Variants in DLC1 observed in about 807,000 individuals in gnomAD.
DLC1 encodes the protein DLC1 Rho GTPase activating protein.
DLC1 carries 54 observed loss-of-function variants against 140.3 expected under a neutral mutation model. The observed-to-expected ratio is 0.38, with a 90% CI of 0.31 to 0.48. DLC1 has a LOEUF of 0.48. Among genes scored for constraint, DLC1 ranks in the 20% least tolerant of loss-of-function variants. The pLI, the probability that DLC1 is intolerant of heterozygous loss-of-function variation, is 0.96. For synonymous variants in DLC1, 986 were observed against 728.1 expected (o/e 1.35, Z -5.70); for missense variants, 2,536 against 1,907.0 (o/e 1.33, Z -6.14).
Position 13,255,462 on chromosome 8 carries a change from C to T in DLC1, c.1348+49807G>A, listed in dbSNP as rs573168283. Among the ~76,000 whole-genome samples the T allele has an allele frequency of 3.9e-5, 6 of 152,222 alleles. No individual in the cohort carries two copies. In the South Asian group the frequency reaches 1.2e-3, roughly 32 times the overall value. On this transcript the variant is annotated intron_variant, in intron 5 of 17. Coordinates refer to ENST00000276297, the MANE Select transcript of DLC1 (RefSeq NM_182643.3). The stretch of plus-strand genomic sequence containing the variant: ...GATAAGTCTTGCCCATCTCTGTATC[C>T]TCATATCCACTAACTTAAGTACTCA...
chr8:13,581,017 G>A (rs181050470), intron 1 of DLC1, among the ~76,000 whole-genome samples: 9 of 152,294 alleles, frequency 5.9e-5, no homozygotes, highest in Non-Finnish European at 8.8e-5. Flanking sequence ...ATGTAGGGCA[G>A]GAGAAGAGAA....
intron 5 of DLC1, among the ~76,000 whole-genome samples, chr8:13,193,781 T>G (rs1014068074): frequency 2.0e-5 from 3 of 152,168 alleles, no homozygotes; most frequent in Admixed American, 2.0e-4. Context: ...TGCCAACAAG[T>G]TGTAATTACC....
At chr8:13,128,353 C>G (rs1410488346) in intron 5 of DLC1, among the ~76,000 whole-genome samples, 1 of 152,134 alleles carries the variant, frequency 6.6e-6, no homozygotes, top group Admixed American at 6.6e-5. Flanking sequence ...AAAGACAGAG[C>G]CCCAAGTCTC....
intron 2 of DLC1, among the ~76,000 whole-genome samples, chr8:13,473,368 T>C (rs1372128572): frequency 6.6e-6 from 1 of 152,206 alleles, no homozygotes; most frequent in Non-Finnish European, 1.5e-5. Context: ...CGAGATCTGA[T>C]GGTTTTAAAA....
intron 1 of DLC1, among the ~76,000 whole-genome samples, chr8:13,581,641 T>C (rs943657604): frequency 6.6e-6 from 1 of 152,206 alleles, no homozygotes; most frequent in Non-Finnish European, 1.5e-5. Flanking sequence ...GTTTTCCTGC[T>C]TCTGTTCATC....
At chr8:13,118,255 A>G (rs1201089332) in intron 5 of DLC1, among the ~76,000 whole-genome samples, 4 of 152,190 alleles carry the variant, frequency 2.6e-5, no homozygotes, top group Non-Finnish European at 5.9e-5. Flanking sequence ...AGCTGTGTCA[A>G]AATAGTCACT....
chr8:13,353,700 T>C (rs1340235777), intron 4 of DLC1, among the ~76,000 whole-genome samples: 1 of 151,864 alleles, frequency 6.6e-6, no homozygotes, highest in African/African-American at 2.4e-5. Context: ...CTAATTAAAA[T>C]ATAAAAGTTA....
chr8:13,360,020 A>C (rs765066235), intron 4 of DLC1, among the ~76,000 whole-genome samples: 21 of 152,206 alleles, frequency 1.4e-4, no homozygotes, highest in Non-Finnish European at 2.6e-4. Context: ...TGGATTCCGC[A>C]TTATAGTATT....
intron 5 of DLC1, among the ~76,000 whole-genome samples, chr8:13,185,551 C>T (rs1826321472): frequency 1.3e-5 from 2 of 152,126 alleles, no homozygotes; most frequent in South Asian, 2.1e-4. Context: ...TTGTGATCTG[C>T]TCGCCTTGGC....
rs367933047 is a variant in DLC1, at chr8:13,328,619, G to T, written c.1315-23317C>A. On this transcript the variant is annotated intron_variant, in intron 4 of 17. Transcript: ENST00000276297. ...GTCTGGAGGTGAGAATAGAGGTCTTGGCTGAAATATAAGTTTGAGGGTATC... is the reference window on the plus strand; with the variant it reads ...GTCTGGAGGTGAGAATAGAGGTCTTTGCTGAAATATAAGTTTGAGGGTATC... Among the ~76,000 whole-genome samples, 6 of 152,150 alleles carry T rather than the reference G, an allele frequency of 3.9e-5. No homozygotes were observed. The East Asian group carries it at 9.6e-4, about 24-fold the overall frequency.
At chr8:13,450,182 A>T (rs573423146) in intron 2 of DLC1, among the ~76,000 whole-genome samples, 1 of 152,122 alleles carries the variant, frequency 6.6e-6, no homozygotes, top group East Asian at 1.9e-4. Flanking sequence ...GAGGCCAGGC[A>T]TGGTGGCCTG....
chr8:13,530,438 A>G (rs927420822), intron 1 of DLC1, among the ~76,000 whole-genome samples: 1 of 152,126 alleles, frequency 6.6e-6, no homozygotes, highest in Non-Finnish European at 1.5e-5. Flanking sequence ...AGGAGAAGAT[A>G]CTCAGTTTCT....
chr8:13,583,021 C>A (rs908784702), intron 1 of DLC1, among the ~76,000 whole-genome samples: 1 of 151,256 alleles, frequency 6.6e-6, no homozygotes, highest in East Asian at 2.0e-4. Context: ...GAGTTGTAAT[C>A]TTTTTGCCGG....
chr8:13,151,289 A>T (rs917349661), intron 5 of DLC1, among the ~76,000 whole-genome samples: 1 of 152,232 alleles, frequency 6.6e-6, no homozygotes, highest in Non-Finnish European at 1.5e-5. Flanking sequence ...CAGCATAATG[A>T]TAATACACAT....
intron 4 of DLC1, among the ~76,000 whole-genome samples, chr8:13,378,551 C>T (rs1836102267): frequency 6.6e-6 from 1 of 152,080 alleles, no homozygotes; most frequent in African/African-American, 2.4e-5. Context: ...GATTCTTCTA[C>T]AGATACTATA....
At chr8:13,538,992 A>G (rs1803394095) in intron 1 of DLC1, among the ~76,000 whole-genome samples, 1 of 152,028 alleles carries the variant, frequency 6.6e-6, no homozygotes, top group Non-Finnish European at 1.5e-5. Flanking sequence ...ACCTGTCATC[A>G]TTTTTCTATT....
At chr8:13,117,046 TC>T (rs1415782079) in intron 5 of DLC1, among the ~76,000 whole-genome samples, 1 of 152,234 alleles carries the variant, frequency 6.6e-6, no homozygotes, top group Non-Finnish European at 1.5e-5. Context: ...TACTTTTTTT[TC>T]GTATGTGTAT....
chr8:13,089,360 G>A (rs1009060965), intron 15 of DLC1, among the ~76,000 whole-genome samples: 2 of 151,928 alleles, frequency 1.3e-5, no homozygotes, highest in South Asian at 2.1e-4. Context: ...GGGCATGGTG[G>A]CTCACGCCTA....
chr8:13,499,726 T>C lies in DLC1; in HGVS notation c.346A>G (p.Asn116Asp), dbSNP rs1801701418. 2 of 1,614,190 alleles carry C rather than the reference T, an allele frequency of 1.2e-6. No homozygotes were observed. Among genetic ancestry groups the C allele is most frequent in the Non-Finnish European group, 1.7e-6 (2 of 1,180,024 alleles). ...TLVHVSDEDN[N>D]ADLCLTDDKQ... ...TCATCTGTAAGGCATAAATCAGCAT[T>C]GTTATCCTCATCAGAAACATGCACT... The change falls in exon 2 of 18, where the codon AAT becomes GAT. Residue 116 changes from asparagine (N) to aspartate (D), a missense_variant. By Grantham distance (23) the Asn-to-Asp change is conservative. Transcript: ENST00000276297.
Sources: gnomAD v4.1 joint callset for allele counts (sites outside exome capture counted in the v4.1 genomes callset) on GRCh38, gnomAD v4.1.1 for gene constraint, MANE v1.5 for transcripts, NCBI Gene and HGNC (gene_info 2026-07-23, HGNC 2026-07-21) for gene names.